Variants in TBX15 observed in about 807,000 individuals in gnomAD.
TBX15 encodes the protein T-box transcription factor 15, also known as T-box transcription factor TBX15.
TBX15 carries 18 observed loss-of-function variants against 53.9 expected under a neutral mutation model. The observed-to-expected ratio is 0.33, with a 90% CI of 0.23 to 0.49. TBX15 has a LOEUF of 0.49. TBX15 is among the 20% of genes least tolerant of loss of function. The pLI, the probability that TBX15 is intolerant of heterozygous loss-of-function variation, is 0.98. For missense variants in TBX15, 692 were observed against 749.5 expected, an observed-to-expected ratio of 0.92 and a Z score of 0.90; for synonymous variants, 295 against 278.0, an observed-to-expected ratio of 1.06 and a Z score of -0.61.
intron 1 of TBX15, among the ~76,000 whole-genome samples, chr1:118,986,669 C>T (rs866479206): frequency 5.1e-4 from 78 of 152,198 alleles, no homozygotes; most frequent in African/African-American, 1.7e-3. Flanking sequence ...TACTCCCCAG[C>T]TCTGGCTGTT....
At chr1:118,946,946 T>C (rs1656365871) in intron 1 of TBX15, among the ~76,000 whole-genome samples, 2 of 152,240 alleles carry the variant, frequency 1.3e-5, no homozygotes, top group South Asian at 4.1e-4. Context: ...AACCCCAAGC[T>C]TACCAGGTTC....
At chr1:118,887,606 C>T (rs1653989119) in intron 7 of TBX15, among the ~76,000 whole-genome samples, 2 of 149,812 alleles carry the variant, frequency 1.3e-5, no homozygotes, top group South Asian at 4.2e-4. Flanking sequence ...GCCCAGGAGG[C>T]GGAGGCTGCA....
intron 1 of TBX15, among the ~76,000 whole-genome samples, chr1:118,977,433 C>T (rs1487815623): frequency 6.6e-6 from 1 of 152,168 alleles, no homozygotes; most frequent in Non-Finnish European, 1.5e-5. Flanking sequence ...GTAACAGCCA[C>T]TTGTCCTAGG....
At chr1:118,949,753 T>C (rs750663415) in intron 1 of TBX15, among the ~76,000 whole-genome samples, 2 of 152,058 alleles carry the variant, frequency 1.3e-5, no homozygotes, top group Non-Finnish European at 2.9e-5. Context: ...TCAGCACTGG[T>C]TCAATGGCTT....
intron 1 of TBX15, among the ~76,000 whole-genome samples, chr1:118,976,958 A>G (rs1571218519): frequency 6.6e-6 from 1 of 152,230 alleles, no homozygotes; most frequent in African/African-American, 2.4e-5. Flanking sequence ...TGTCAATTCA[A>G]TTGACAGGAA....
At chr1:118,891,169 C>T (rs541767246) in intron 7 of TBX15, among the ~76,000 whole-genome samples, 1 of 152,288 alleles carries the variant, frequency 6.6e-6, no homozygotes, top group East Asian at 1.9e-4. Flanking sequence ...TAGAAAGACT[C>T]CTAGTGAATC....
At chr1:118,986,913 C>T (rs1358514681) in intron 1 of TBX15, among the ~76,000 whole-genome samples, 3 of 152,178 alleles carry the variant, frequency 2.0e-5, no homozygotes, top group African/African-American at 7.2e-5. Flanking sequence ...GACATCCCCC[C>T]TGCTTTTTAC....
intron 5 of TBX15, among the ~76,000 whole-genome samples, chr1:118,914,505 C>A (rs930956032): frequency 2.0e-5 from 3 of 152,170 alleles, no homozygotes; most frequent in Middle Eastern, 3.2e-3. Flanking sequence ...TCAATGGTCA[C>A]GTCCATGGTA....
chr1:118,901,399 A>G, intron 6 of TBX15: 1 of 456,650 alleles, frequency 2.2e-6, no homozygotes. Flanking sequence ...CACCTCTTAA[A>G]GGTCCCATCT....
chr1:118,900,844 T>G (rs1654605864), intron 6 of TBX15, among the ~76,000 whole-genome samples: 1 of 152,134 alleles, frequency 6.6e-6, no homozygotes, highest in Non-Finnish European at 1.5e-5. Flanking sequence ...TGCTTTGTTT[T>G]GGAATGTTGG....
chr1:118,979,303 C>T (rs1239168967), intron 1 of TBX15, among the ~76,000 whole-genome samples: 1 of 147,130 alleles, frequency 6.8e-6, no homozygotes, highest in Non-Finnish European at 1.5e-5. Context: ...GTGGGCAATG[C>T]CCGCTTTCTG....
intron 1 of TBX15, among the ~76,000 whole-genome samples, chr1:118,947,971 CT>C (rs1557895769): frequency 2.0e-5 from 3 of 152,172 alleles, no homozygotes; most frequent in African/African-American, 4.8e-5. Flanking sequence ...GTTCCATGAT[CT>C]GTGATTCTGC....
chr1:118,931,733 G>A lies in TBX15; in HGVS notation c.305C>T (p.Pro102Leu), dbSNP rs1420822752. 4 of 1,613,964 alleles carry A rather than the reference G, an allele frequency of 2.5e-6. No individual in the cohort carries two copies. The East Asian group carries it at 8.9e-5, about 36-fold the overall frequency. ...HTDLASGAAG[P>L]VPAAMSSMEE... ...CATGGAAGACATGGCAGCAGGCACAGGGCCTGCAGCACCAGAGGCCAGGTC... is the reference window on the plus strand; with the variant it reads ...CATGGAAGACATGGCAGCAGGCACAAGGCCTGCAGCACCAGAGGCCAGGTC... Residue 102 changes from proline to leucine, a missense_variant, in exon 2 of 8, where the codon CCT becomes CTT. Transcript: ENST00000369429.
At chr1:118,943,717 C>G (rs540560785) in intron 1 of TBX15, among the ~76,000 whole-genome samples, 6 of 152,116 alleles carry the variant, frequency 3.9e-5, no homozygotes, top group Middle Eastern at 3.2e-3. Flanking sequence ...GCAGGAAGCC[C>G]TGACTCCAGA....
At chr1:118,972,060 C>T (rs1657250628) in intron 1 of TBX15, among the ~76,000 whole-genome samples, 1 of 152,180 alleles carries the variant, frequency 6.6e-6, no homozygotes. Flanking sequence ...TTGGCTACAC[C>T]TTTGAGAGTT....
In TBX15 at chr1:118,914,135, G is replaced by A; in HGVS notation, c.906C>T (p.Phe302=). The A allele has an allele frequency of 1.2e-6, 2 of 1,613,780 alleles. No individual in the cohort carries two copies. Among genetic ancestry groups the A allele is most frequent in the Non-Finnish European group, 1.7e-6 (2 of 1,179,800 alleles). ...KIDRNPFAKG[F]RDSGRNRTGL... ...CTTACCTGTTTCTCCCAGAATCTCT[G>A]AATCCTTTAGCAAAAGGGTTTCGGT... The change falls in exon 6 of 8, where the codon TTC becomes TTT. Residue 302 remains phenylalanine, a synonymous_variant. Transcript: ENST00000369429.
intron 5 of TBX15, among the ~76,000 whole-genome samples, chr1:118,919,163 G>A (rs1655342743): frequency 6.6e-6 from 1 of 152,096 alleles, no homozygotes; most frequent in African/African-American, 2.4e-5. Flanking sequence ...GGGAAAACAA[G>A]GCCATGTCTT....
intron 1 of TBX15, among the ~76,000 whole-genome samples, chr1:118,968,054 C>A (rs928174692): frequency 2.0e-5 from 3 of 152,186 alleles, no homozygotes; most frequent in African/African-American, 7.2e-5. Flanking sequence ...ACTGGTAGAA[C>A]TATTACAATA....
At chr1:118,908,075 T>C (rs1376172527) in intron 6 of TBX15, among the ~76,000 whole-genome samples, 1 of 152,166 alleles carries the variant, frequency 6.6e-6, no homozygotes, top group African/African-American at 2.4e-5. Context: ...TATTTAGAGA[T>C]TTGCTCCTTC....
Sources: allele counts gnomAD v4.1 joint callset (sites outside exome capture counted in the v4.1 genomes callset), GRCh38; gene constraint gnomAD v4.1.1; transcripts MANE v1.5; gene names NCBI Gene and HGNC (gene_info 2026-07-23, HGNC 2026-07-21).